Variants in FBXL7 observed in about 807,000 individuals in gnomAD.
FBXL7 encodes F-box/LRR-repeat protein 7.
FBXL7 carries 12 observed loss-of-function variants against 38.3 expected under a neutral mutation model. The ratio of observed to expected loss-of-function variants is 0.31; its 90% CI spans 0.20 to 0.51. FBXL7 has a LOEUF of 0.51. Ranked by LOEUF, FBXL7 falls within the 20% of genes least tolerant of loss-of-function variation. The probability of loss-of-function intolerance (pLI) is 0.98; values close to 1 mark genes in which losing one functional copy is unlikely to be tolerated. For missense variants in FBXL7, 567 were observed against 676.4 expected (o/e 0.84, Z 1.79); for synonymous variants, 297 against 300.9 (o/e 0.99, Z 0.13).
intron 2 of FBXL7, among the ~76,000 whole-genome samples, chr5:15,801,725 TCTTAC>T: frequency 6.6e-6 from 1 of 152,004 alleles, no homozygotes; most frequent in Non-Finnish European, 1.5e-5. Flanking sequence ...AGGTTGGCCC[TCTTAC>T]CTTTGGCTGT....
At chr5:15,805,503 A>G (rs1228256105) in intron 2 of FBXL7, among the ~76,000 whole-genome samples, 1 of 152,138 alleles carries the variant, frequency 6.6e-6, no homozygotes, top group Non-Finnish European at 1.5e-5. Flanking sequence ...TATAGATTTA[A>G]CCTAAGATTT....
intron 2 of FBXL7, among the ~76,000 whole-genome samples, chr5:15,705,282 T>C (rs1743645051): frequency 6.6e-6 from 1 of 152,262 alleles, no homozygotes; most frequent in Non-Finnish European, 1.5e-5. Context: ...TTTACTGTTA[T>C]ATCCCTTTTG....
At chr5:15,854,039 A>G (rs75363185) in intron 2 of FBXL7, among the ~76,000 whole-genome samples, 1 of 152,234 alleles carries the variant, frequency 6.6e-6, no homozygotes, top group Non-Finnish European at 1.5e-5. Flanking sequence ...TAAAATATTC[A>G]GTAGAATAAA....
At chr5:15,768,715 T>C (rs1215794201) in intron 2 of FBXL7, among the ~76,000 whole-genome samples, 1 of 152,068 alleles carries the variant, frequency 6.6e-6, no homozygotes, top group Non-Finnish European at 1.5e-5. Context: ...CCACTCATGG[T>C]GTGGTGTGTT....
intron 2 of FBXL7, among the ~76,000 whole-genome samples, chr5:15,631,852 G>A (rs941215975): frequency 5.3e-5 from 8 of 151,868 alleles, no homozygotes; most frequent in African/African-American, 1.9e-4. Flanking sequence ...CCAACTTCTA[G>A]TTTTAAAGAA....
At chr5:15,699,820 G>A (rs982450771) in intron 2 of FBXL7, among the ~76,000 whole-genome samples, 1 of 152,190 alleles carries the variant, frequency 6.6e-6, no homozygotes, top group African/African-American at 2.4e-5. Flanking sequence ...ACTCTGAGTA[G>A]CCCTGCCAGA....
chr5:15,715,223 T>C (rs1427887629), intron 2 of FBXL7, among the ~76,000 whole-genome samples: 1 of 152,106 alleles, frequency 6.6e-6, no homozygotes, highest in Non-Finnish European at 1.5e-5. Flanking sequence ...ACAGGCATGG[T>C]GGCTCATGCC....
intron 2 of FBXL7, among the ~76,000 whole-genome samples, chr5:15,676,186 T>G (rs900340316): frequency 3.3e-5 from 5 of 152,214 alleles, no homozygotes; most frequent in African/African-American, 1.2e-4. Flanking sequence ...TGGCTGGGGG[T>G]GGCTCACGCC....
intron 2 of FBXL7, among the ~76,000 whole-genome samples, chr5:15,690,489 T>G (rs1384904401): frequency 1.6e-4 from 24 of 152,234 alleles, no homozygotes; most frequent in Non-Finnish European, 4.4e-5. Flanking sequence ...AATGATCAAA[T>G]CAGGGAATTA....
chr5:15,636,049 A>T (rs2126548520), intron 2 of FBXL7, among the ~76,000 whole-genome samples: 1 of 152,110 alleles, frequency 6.6e-6, no homozygotes, highest in South Asian at 2.1e-4. Flanking sequence ...TAACAAATTA[A>T]CATTACTGCA....
At position 15,873,015 on chromosome 5, in the gene FBXL7, A is replaced by G. The variant is rs55842606; in HGVS notation, c.128-54875A>G. 7.1e-3 allele frequency among the ~76,000 whole-genome samples: 1,082 copies of G among 152,252 alleles called. 23 individuals carry two copies. Among genetic ancestry groups the G allele is most frequent in the African/African-American group, 0.025 (1,029 of 41,560 alleles). On this transcript the variant is annotated intron_variant, in intron 2 of 3. Coordinates refer to ENST00000504595, the MANE Select transcript of FBXL7 (RefSeq NM_012304.5). ...ACCACATAGCACTTATTCTAAAATC[A>G]ACCACATAATTGGAAGTAAAACACT...
Position 15,501,380 on chromosome 5 carries a change from G to T in FBXL7, c.37+667G>T, listed in dbSNP as rs1036335063. On this transcript the variant is annotated intron_variant, in intron 1 of 3. Transcript: ENST00000504595. ...CTTTAAACTCCACCTACTCCTAAAA[G>T]GATGATGGATGTCTGGGTTGGCTTC... The T allele has an allele frequency of 1.2e-5, 12 of 973,026 alleles. No homozygotes were observed. The African/African-American group carries it at 2.1e-4, about 17-fold the overall frequency. 60.3% of individuals were successfully genotyped at this position (973,026 alleles called of 1,614,324 possible).
chr5:15,714,289 C>G (rs554591090), intron 2 of FBXL7, among the ~76,000 whole-genome samples: 1 of 152,322 alleles, frequency 6.6e-6, no homozygotes, highest in African/African-American at 2.4e-5. Flanking sequence ...CCCCTTCTCT[C>G]TCTTCCTCCT....
At chr5:15,583,216 C>T (rs772637717) in intron 1 of FBXL7, among the ~76,000 whole-genome samples, 39 of 152,062 alleles carry the variant, frequency 2.6e-4, no homozygotes, top group Non-Finnish European at 5.4e-4. Flanking sequence ...GGGAAACTGC[C>T]CACATGATCC....
chr5:15,641,925 A>G (rs955367863), intron 2 of FBXL7, among the ~76,000 whole-genome samples: 2 of 147,184 alleles, frequency 1.4e-5, no homozygotes, highest in African/African-American at 5.1e-5. Context: ...AGTATATGGT[A>G]ACTTAACATA....
At chr5:15,521,540 T>C (rs1737096796) in intron 1 of FBXL7, among the ~76,000 whole-genome samples, 1 of 152,216 alleles carries the variant, frequency 6.6e-6, no homozygotes, top group South Asian at 2.1e-4. Context: ...TGTCCATTAC[T>C]CTGCATTGTG....
chr5:15,502,148 T>C (rs1186157158), intron 1 of FBXL7, among the ~76,000 whole-genome samples: 1 of 152,114 alleles, frequency 6.6e-6, no homozygotes, highest in Non-Finnish European at 1.5e-5. Context: ...CATGTGCTTG[T>C]CAGTTCTGGG....
intron 1 of FBXL7, among the ~76,000 whole-genome samples, chr5:15,514,301 T>C (rs1296965312): frequency 6.6e-6 from 1 of 152,210 alleles, no homozygotes; most frequent in Non-Finnish European, 1.5e-5. Context: ...CTGTAGTGTG[T>C]AGATTTAAAT....
At chr5:15,714,033 G>A (rs1466678291) in intron 2 of FBXL7, among the ~76,000 whole-genome samples, 3 of 152,236 alleles carry the variant, frequency 2.0e-5, no homozygotes, top group African/African-American at 7.2e-5. Flanking sequence ...AAGGGGCTTT[G>A]CAGATTTGAT....
Sources: gnomAD v4.1 joint callset for allele counts (sites outside exome capture counted in the v4.1 genomes callset) on GRCh38, gnomAD v4.1.1 for gene constraint, MANE v1.5 for transcripts, NCBI Gene and HGNC (gene_info 2026-07-23, HGNC 2026-07-21) for gene names.